The following ANK3 variants were observed in gnomAD, a reference collection of about 807,000 sequenced individuals.
ANK3 encodes ankyrin 3, also known as ankyrin-3.
ANK3 carries 57 observed loss-of-function variants against 370.9 expected under a neutral mutation model. The observed-to-expected ratio is 0.15, with a 90% CI of 0.12 to 0.19. The LOEUF is 0.19. ANK3 is among the 10% of genes least tolerant of loss of function. The pLI, the probability that ANK3 is intolerant of heterozygous loss-of-function variation, is 1.00. For missense variants in ANK3, 4,439 were observed against 5,302.1 expected (o/e 0.84, Z 5.06); for synonymous variants, 1,929 against 1,946.3 (o/e 0.99, Z 0.23).
intron 1 of ANK3, among the ~76,000 whole-genome samples, chr10:60,329,772 T>C (rs994276352): frequency 2.8e-4 from 43 of 152,126 alleles, no homozygotes; most frequent in Non-Finnish European, 7.4e-5. Flanking sequence ...CCTCACAGAA[T>C]TGGAAAAAAC....
At chr10:60,651,495 T>C (rs2078789109) in intron 1 of ANK3, among the ~76,000 whole-genome samples, 1 of 152,234 alleles carries the variant, frequency 6.6e-6, no homozygotes, top group Non-Finnish European at 1.5e-5. Context: ...CATACTTTTT[T>C]GAGTAAAATG....
chr10:60,060,366 T>C (rs2080168001), intron 40 of ANK3: 1 of 158,348 alleles, frequency 6.3e-6, no homozygotes, highest in Non-Finnish European at 1.4e-5. Context: ...AGATACTTAT[T>C]ATCTTTCTAT....
intron 1 of ANK3, among the ~76,000 whole-genome samples, chr10:60,351,390 C>G (rs2056837834): frequency 6.6e-6 from 1 of 152,194 alleles, no homozygotes; most frequent in South Asian, 2.1e-4. Context: ...CAGATGCACG[C>G]TAATGGCAGT....
At chr10:60,674,056 T>C (rs374238187) in intron 1 of ANK3, among the ~76,000 whole-genome samples, 3 of 152,126 alleles carry the variant, frequency 2.0e-5, no homozygotes, top group African/African-American at 4.8e-5. Context: ...CCTTCCTTGA[T>C]TGCGGGTTCC....
intron 2 of ANK3, among the ~76,000 whole-genome samples, chr10:60,571,829 G>C (rs1567156084): frequency 6.6e-6 from 1 of 152,006 alleles, no homozygotes; most frequent in South Asian, 2.1e-4. Flanking sequence ...TGAATCTACA[G>C]GTTTACCATA....
intron 1 of ANK3, among the ~76,000 whole-genome samples, chr10:60,282,735 C>T (rs939693339): frequency 2.0e-5 from 3 of 152,254 alleles, no homozygotes; most frequent in South Asian, 4.2e-4. Flanking sequence ...AGGAAGTACA[C>T]GCAGAAACAG....
At chr10:60,663,167 T>TA (rs1267464679) in intron 1 of ANK3, among the ~76,000 whole-genome samples, 1 of 152,242 alleles carries the variant, frequency 6.6e-6, no homozygotes, top group Non-Finnish European at 1.5e-5. Flanking sequence ...TTGCTGCCAT[T>TA]AAAGCACTTC....
intron 7 of ANK3, among the ~76,000 whole-genome samples, chr10:60,251,061 C>T (rs1438870999): frequency 1.3e-5 from 2 of 152,222 alleles, no homozygotes; most frequent in Non-Finnish European, 2.9e-5. Flanking sequence ...TATGGAACTT[C>T]TTGCTTCCTA....
At position 60,166,836 on chromosome 10, in the gene ANK3, A is replaced by G; in HGVS notation, c.2539T>C (p.Ser847Pro). 1.2e-6 allele frequency: 2 copies of G among 1,613,930 alleles called. No homozygotes were observed. Among genetic ancestry groups the G allele is most frequent in the Non-Finnish European group, 8.5e-7 (1 of 1,179,844 alleles). ...PETMNEVLDM[S>P]DDEVRKANAP... ...AACATTTTCATACCTTCATCATCAG[A>G]CATATCAAGAACTTCATTCATCGTT... Residue 847 changes from serine to proline, a missense_variant, in exon 22 of 44, where the codon TCT becomes CCT. Ser to Pro is a moderately conservative substitution (Grantham distance 74, BLOSUM62 -1). This residue lies in a region of ANK3 where 702 missense variants were observed against 941.5 expected (regional missense o/e 0.75). Coordinates refer to ENST00000280772, the MANE Select transcript of ANK3 (RefSeq NM_020987.5).
At chr10:60,091,658 G>A (rs905398576) in intron 28 of ANK3, among the ~76,000 whole-genome samples, 7 of 152,188 alleles carry the variant, frequency 4.6e-5, no homozygotes, top group African/African-American at 1.7e-4. Flanking sequence ...TGCGGAAATT[G>A]CTGTACACCT....
rs1460330696 is a variant in ANK3, at chr10:60,278,795, G to A, written c.393C>T (p.Ala131=). 1 of 1,613,722 alleles carries A rather than the reference G, an allele frequency of 6.2e-7. No homozygotes were observed. Among genetic ancestry groups the A allele is most frequent in the Admixed American group, 1.7e-5 (1 of 59,984 alleles). Residue 131 remains alanine, a synonymous_variant, in exon 4 of 44, where the codon GCC becomes GCT. Coordinates refer to ENST00000280772, the MANE Select transcript of ANK3 (RefSeq NM_020987.5). ...TTACCTGAGATTGTGCATTGACATT[G>A]GCTCCATTTGTAACCAAGACTTTTA... ...EVVKVLVTNG[A]NVNAQSQNGF...
chr10:60,429,690 C>T (rs2063970328), intron 2 of ANK3, among the ~76,000 whole-genome samples: 1 of 152,210 alleles, frequency 6.6e-6, no homozygotes, highest in African/African-American at 2.4e-5. Context: ...CTTAGCTTCT[C>T]CACAGTTCAG....
chr10:60,629,296 T>C (rs1232905655), intron 1 of ANK3, among the ~76,000 whole-genome samples: 1 of 152,214 alleles, frequency 6.6e-6, no homozygotes, highest in Non-Finnish European at 1.5e-5. Flanking sequence ...CCAAGTTAAA[T>C]GGCTGCTAAA....
intron 2 of ANK3, among the ~76,000 whole-genome samples, chr10:60,553,684 T>C (rs1420330732): frequency 6.6e-6 from 1 of 151,930 alleles, no homozygotes; most frequent in Non-Finnish European, 1.5e-5. Flanking sequence ...GGGGAGGAGG[T>C]GCAGGTGAAA....
At chr10:60,076,577 A>G in intron 36 of ANK3, 129 bp from the exon 37 acceptor site, 1 of 1,221,910 alleles carries the variant, frequency 8.2e-7, no homozygotes, top group African/African-American at 1.5e-5. Flanking sequence ...AATTGTTTGC[A>G]TGATTTAGAA....
chr10:60,379,501 TG>T (rs147721408), intron 1 of ANK3, among the ~76,000 whole-genome samples: 2,617 of 152,142 alleles, frequency 0.017, 84 homozygotes, highest in African/African-American at 0.06. Flanking sequence ...ATAAAGAAAA[TG>T]TGTACATATA....
chr10:60,505,940 A>G (rs1467694588), intron 2 of ANK3, among the ~76,000 whole-genome samples: 1 of 152,096 alleles, frequency 6.6e-6, no homozygotes, highest in Non-Finnish European at 1.5e-5. Flanking sequence ...GGCAGGTTCA[A>G]ATTTGTCCAG....
chr10:60,400,328 G>A (rs116281439), intron 2 of ANK3, among the ~76,000 whole-genome samples: 2,089 of 152,226 alleles, frequency 0.014, 38 homozygotes, highest in African/African-American at 0.048. Flanking sequence ...GGAGTTATGG[G>A]AAAGGAATAA....
chr10:60,063,391 A>C (rs988364034), intron 39 of ANK3, 137 bp from the exon 40 acceptor site: 5 of 792,126 alleles, frequency 6.3e-6, no homozygotes, highest in Admixed American at 3.2e-5. Flanking sequence ...CAATCTCCCT[A>C]TCCAGAGGAC....
Sources: allele counts gnomAD v4.1 joint callset (sites outside exome capture counted in the v4.1 genomes callset), GRCh38; gene constraint gnomAD v4.1.1; regional missense constraint gnomAD v4.1.1; transcripts MANE v1.5; gene names NCBI Gene and HGNC (gene_info 2026-07-23, HGNC 2026-07-21).